Variants in ADAM12 observed in about 807,000 individuals in gnomAD.
ADAM12 encodes the protein disintegrin and metalloproteinase domain-containing protein 12.
Under a neutral mutation model 106.4 loss-of-function variants are expected in ADAM12, and 70 were observed. The ratio of observed to expected loss-of-function variants is 0.66; its 90% CI spans 0.54 to 0.80. The LOEUF (loss-of-function observed/expected upper bound fraction) is 0.80. Among genes scored for constraint, ADAM12 ranks in the 30% least tolerant of loss-of-function variants. ADAM12 has a pLI of 0.00. For missense variants in ADAM12, 1,010 were observed against 1,171.9 expected, an observed-to-expected ratio of 0.86 and a Z score of 2.02; for synonymous variants, 420 against 433.5, an observed-to-expected ratio of 0.97 and a Z score of 0.39.
intron 4 of ADAM12, among the ~76,000 whole-genome samples, chr10:126,149,724 T>C (rs942758277): frequency 6.6e-6 from 1 of 152,184 alleles, no homozygotes; most frequent in African/African-American, 2.4e-5. Flanking sequence ...TTCAAGTTCT[T>C]CAGCTTTTGG....
intron 2 of ADAM12, among the ~76,000 whole-genome samples, chr10:126,310,684 C>A (rs1442891340): frequency 6.6e-6 from 1 of 152,060 alleles, no homozygotes; most frequent in Non-Finnish European, 1.5e-5. Context: ...ATGTAAATAC[C>A]ATCATATTGT....
At chr10:126,031,629 A>G (rs1953972847) in intron 21 of ADAM12, among the ~76,000 whole-genome samples, 3 of 152,234 alleles carry the variant, frequency 2.0e-5, no homozygotes, top group South Asian at 4.1e-4. Flanking sequence ...TCCTTGTAAT[A>G]GCTGCCACCG....
rs781093872 is a variant in ADAM12, at chr10:126,064,953, G to A, written c.1462C>T (p.Leu488Phe). The A allele has an allele frequency of 6.2e-7, 1 of 1,613,104 alleles. No individual in the cohort carries two copies. Among genetic ancestry groups the A allele is most frequent in the Non-Finnish European group, 8.5e-7 (1 of 1,179,712 alleles). ...CTGGCCCCTGTGCAGAACTCTGGGA[G>A]GTCACAGGAGTTGCTGGAGTCCCTG... ...ACRDSSNSCD[L>F]PEFCTGASPH... The change falls in exon 14 of 23, where the codon CTC becomes TTC. Residue 488 changes from leucine (L) to phenylalanine (F), a missense_variant. By Grantham distance (22) the Leu-to-Phe change is conservative. This residue lies in a region of ADAM12 where 615 missense variants were observed against 708.5 expected (regional missense o/e 0.87). Transcript: ENST00000448723. The surrounding 1 kb of genome is among the most constrained non-coding windows in gnomAD (Gnocchi z 4.4).
intron 3 of ADAM12, among the ~76,000 whole-genome samples, chr10:126,239,681 G>A (rs1958485512): frequency 6.6e-6 from 1 of 152,140 alleles, no homozygotes; most frequent in Admixed American, 6.5e-5. Context: ...CGGATCTAAG[G>A]AATTATGACA....
At chr10:126,088,293 G>C (rs1012914258) in intron 11 of ADAM12, among the ~76,000 whole-genome samples, 1 of 152,126 alleles carries the variant, frequency 6.6e-6, no homozygotes, top group Non-Finnish European at 1.5e-5. Context: ...TACTAGTGGA[G>C]TAAATGAGTG....
chr10:126,203,152 A>T (rs1384815426), intron 3 of ADAM12, among the ~76,000 whole-genome samples: 1 of 152,136 alleles, frequency 6.6e-6, no homozygotes, highest in African/African-American at 2.4e-5. Flanking sequence ...ACCACAAAAA[A>T]CCTTTATTTC....
chr10:126,160,320 A>C lies in ADAM12; in HGVS notation c.261-5015T>G, dbSNP rs1487946398. ...AAAACAACATGGTGTGCCCAACAAA[A>C]ACACGCAATGATATGTCCATTTAAA... On this transcript the variant is annotated intron_variant, in intron 3 of 22. Transcript: ENST00000448723. Among the ~76,000 whole-genome samples the C allele has an allele frequency of 2.6e-5, 4 of 152,270 alleles. No individual in the cohort carries two copies. In the East Asian group the frequency reaches 7.7e-4, roughly 29 times the overall value.
chr10:126,166,749 G>T (rs975357670), intron 3 of ADAM12, among the ~76,000 whole-genome samples: 2 of 151,996 alleles, frequency 1.3e-5, no homozygotes, highest in African/African-American at 2.4e-5. Flanking sequence ...CGCCCGCCTC[G>T]ACCTCCCAAA....
chr10:126,168,422 G>C (rs1957062814), intron 3 of ADAM12, among the ~76,000 whole-genome samples: 1 of 152,142 alleles, frequency 6.6e-6, no homozygotes, highest in Admixed American at 6.5e-5. Flanking sequence ...GATAGTGCCT[G>C]CCTCACAGGG....
In ADAM12 at chr10:126,066,765, C is replaced by T. The variant is rs772106303; in HGVS notation, c.1365G>A (p.Leu455=). The T allele has an allele frequency of 1.9e-6, 3 of 1,614,218 alleles. No homozygotes were observed. Among genetic ancestry groups the T allele is most frequent in the East Asian group, 4.5e-5 (2 of 44,878 alleles). The change falls in exon 13 of 23, where the codon CTG becomes CTA. Residue 455 remains leucine (L), a synonymous_variant. Coordinates refer to ENST00000448723, the MANE Select transcript of ADAM12 (RefSeq NM_001288973.2). The surrounding 1 kb of genome is among the most constrained non-coding windows in gnomAD (Gnocchi z 5.1). ...NRCCNATTCT[L]KPDAVCAHGL... ...CATGTGCGCACACAGCGTCCGGCTT[C>T]AGGGTACAGGTGGTGGCATTGCAGC...
intron 6 of ADAM12, among the ~76,000 whole-genome samples, chr10:126,114,330 T>C (rs1002685868): frequency 1.3e-5 from 2 of 152,148 alleles, no homozygotes; most frequent in Non-Finnish European, 2.9e-5. Flanking sequence ...ACAAGTGAGA[T>C]CTATTATTTA....
intron 3 of ADAM12, among the ~76,000 whole-genome samples, chr10:126,232,157 C>T (rs974589230): frequency 6.6e-6 from 1 of 152,000 alleles, no homozygotes; most frequent in Non-Finnish European, 1.5e-5. Context: ...GATGTGATTA[C>T]ATGAAGGAGC....
chr10:126,178,408 CTTTTTTTT>C (rs10549268), intron 3 of ADAM12, among the ~76,000 whole-genome samples: 6,670 of 104,104 alleles, frequency 0.064, 272 homozygotes, highest in African/African-American at 0.12. Context: ...TGGAGGACAT[CTTTTTTTT>C]TTTTTTTTTT....
intron 3 of ADAM12, among the ~76,000 whole-genome samples, chr10:126,243,725 T>C (rs1958576311): frequency 1.3e-5 from 2 of 152,202 alleles, no homozygotes. Context: ...TGTAGGTGTT[T>C]ATACGCAACT....
chr10:126,040,899 C>A (rs1372974698), intron 18 of ADAM12, among the ~76,000 whole-genome samples: 3 of 152,164 alleles, frequency 2.0e-5, no homozygotes, highest in Non-Finnish European at 4.4e-5. Context: ...TTTCCCTCTT[C>A]CCCAGGACCA....
chr10:126,147,546 C>T (rs1002052165), intron 4 of ADAM12, among the ~76,000 whole-genome samples: 1 of 152,204 alleles, frequency 6.6e-6, no homozygotes, highest in African/African-American at 2.4e-5. Flanking sequence ...AGCTCCTAAA[C>T]ACTTCCTTCC....
rs535489866 is a variant in ADAM12 at position 126,356,810 on chromosome 10, C to T, written c.89-26301G>A. 5.9e-5 allele frequency among the ~76,000 whole-genome samples: 9 copies of T among 152,082 alleles called. 1 individual carries two copies. In the South Asian group the frequency reaches 1.7e-3, roughly 28 times the overall value. On this transcript the variant is annotated intron_variant, in intron 1 of 22. Coordinates refer to ENST00000448723, the MANE Select transcript of ADAM12 (RefSeq NM_001288973.2). ...AACAATCAAAAAACAAATAGAAACA[C>T]TAGAGATAAAGAATACAATGGCTAA... is the stretch of plus-strand genomic sequence containing the variant.
At chr10:126,329,560 ACATTTGG>A (rs1289173428) in intron 2 of ADAM12, among the ~76,000 whole-genome samples, 1 of 152,202 alleles carries the variant, frequency 6.6e-6, no homozygotes, top group Non-Finnish European at 1.5e-5. Context: ...AAAAATGTGC[ACATTTGG>A]CATTTGGGCC....
intron 5 of ADAM12, among the ~76,000 whole-genome samples, chr10:126,128,731 T>C (rs1236727322): frequency 6.6e-6 from 1 of 150,490 alleles, no homozygotes; most frequent in Non-Finnish European, 1.5e-5. Context: ...TGCGAGTGTG[T>C]GGTGCGTGTG....
Sources: gnomAD v4.1 joint callset for allele counts (sites outside exome capture counted in the v4.1 genomes callset) on GRCh38, gnomAD v4.1.1 for gene constraint, gnomAD v4.1.1 regional missense constraint, Gnocchi (gnomAD v3.1) non-coding constraint, MANE v1.5 for transcripts, NCBI Gene and HGNC (gene_info 2026-07-23, HGNC 2026-07-21) for gene names.